The following NDEL1 variants were observed in gnomAD, a reference collection of about 807,000 sequenced individuals.
NDEL1 encodes nudE neurodevelopment protein 1 like 1, also known as nuclear distribution protein nudE-like 1.
NDEL1 carries 9 observed loss-of-function variants against 45.7 expected under a neutral mutation model. The observed-to-expected ratio is 0.20, with a 90% CI of 0.12 to 0.34. NDEL1 has a LOEUF of 0.34. NDEL1 is among the 10% of genes least tolerant of loss of function. The pLI, the probability that NDEL1 is intolerant of heterozygous loss-of-function variation, is 1.00. For synonymous variants in NDEL1, 133 were observed against 158.6 expected (o/e 0.84, Z 1.21); for missense variants, 306 against 406.2 (o/e 0.75, Z 2.12).
At chr17:8,471,911 A>C (rs375934504), downstream of NDEL1, among the ~76,000 whole-genome samples, 3 of 152,170 alleles carry the variant, frequency 2.0e-5, no homozygotes. Flanking sequence ...CGAAAGGTGG[A>C]AAGGGAGAGG....
intron 4 of NDEL1, among the ~76,000 whole-genome samples, chr17:8,447,950 G>A (rs1910189286): frequency 7.1e-6 from 1 of 141,810 alleles, no homozygotes; most frequent in African/African-American, 2.7e-5. Context: ...GCATAGAGGA[G>A]GCAGCAGCCA....
At chr17:8,429,025 G>T (rs1473153798) in intron 1 of NDEL1, among the ~76,000 whole-genome samples, 4 of 152,196 alleles carry the variant, frequency 2.6e-5, no homozygotes, top group Non-Finnish European at 5.9e-5. Context: ...AATTACAAAA[G>T]CAAAGGATAT....
At chr17:8,440,433 G>C (rs1909654117) in intron 1 of NDEL1, among the ~76,000 whole-genome samples, 1 of 151,600 alleles carries the variant, frequency 6.6e-6, no homozygotes, top group African/African-American at 2.4e-5. Flanking sequence ...AGAATTGCTT[G>C]AACCTGGGAG....
intron 1 of NDEL1, among the ~76,000 whole-genome samples, chr17:8,420,729 T>A (rs978500493): frequency 6.6e-6 from 1 of 152,220 alleles, no homozygotes; most frequent in Non-Finnish European, 1.5e-5. Flanking sequence ...ATTTTTCAAA[T>A]ATAAAATACC....
intron 6 of NDEL1, 137 bp from the exon 7 acceptor site, chr17:8,454,659 G>C: frequency 1.5e-6 from 1 of 659,190 alleles, no homozygotes; most frequent in Non-Finnish European, 2.7e-6. Context: ...CCTATTTATG[G>C]TATCTATACT....
At chr17:8,440,513 CAAAAAA>C (rs34423110) in intron 1 of NDEL1, among the ~76,000 whole-genome samples, 1 of 137,876 alleles carries the variant, frequency 7.3e-6, no homozygotes, top group Non-Finnish European at 1.6e-5. Flanking sequence ...GACTCCATCT[CAAAAAA>C]AAAAAAAAAA....
Position 8,467,461 on chromosome 17 carries a change from C to T in NDEL1, c.*438C>T. On this transcript the variant is annotated 3_prime_UTR_variant, in exon 9 of 9. Transcript: ENST00000334527. This position sits in a 1 kb window ranked among gnomAD's most constrained non-coding sequence, Gnocchi z 6.3. ...CCCTCCTGAGCTCCCACCCAGGCATCTCCAGTGCTCATGATCATGTGTCCC... is the reference window on the plus strand; with the variant it reads ...CCCTCCTGAGCTCCCACCCAGGCATTTCCAGTGCTCATGATCATGTGTCCC... 1 of 384,410 alleles carries T rather than the reference C, an allele frequency of 2.6e-6. No individual in the cohort carries two copies. The highest frequency in any genetic ancestry group is 4.6e-6 in the Non-Finnish European group (1 of 217,090). The allele number at this position is 384,410 out of a possible 1,614,324, so 23.8% of individuals were successfully genotyped here. A position where few individuals can be genotyped will look rare whatever the true frequency, so the allele number is the denominator to read the frequency against.
chr17:8,426,432 T>C (rs1412893421), intron 1 of NDEL1, among the ~76,000 whole-genome samples: 2 of 152,224 alleles, frequency 1.3e-5, no homozygotes, highest in African/African-American at 2.4e-5. Flanking sequence ...TATAAAGGTA[T>C]GTGAGCACAT....
intron 1 of NDEL1, among the ~76,000 whole-genome samples, chr17:8,436,889 G>T (rs1909382667): frequency 3.3e-5 from 5 of 152,200 alleles, no homozygotes; most frequent in Admixed American, 2.6e-4. Flanking sequence ...CAACTGGTGA[G>T]TGGTTTAGCT....
chr17:8,425,394 C>A (rs182869308), intron 1 of NDEL1, among the ~76,000 whole-genome samples: 1 of 152,320 alleles, frequency 6.6e-6, no homozygotes, highest in African/African-American at 2.4e-5. Flanking sequence ...CCAGCCTGGG[C>A]AACGTGGTGA....
downstream of NDEL1, among the ~76,000 whole-genome samples, chr17:8,472,488 G>A (rs552753965): frequency 2.6e-5 from 4 of 152,150 alleles, no homozygotes; most frequent in East Asian, 3.9e-4. Context: ...GTGAAACCCC[G>A]TTTCTACAAA....
Position 8,467,330 on chromosome 17 carries a change from C to T in NDEL1, c.*307C>T. The stretch of plus-strand genomic sequence containing the variant: ...ACTGGATGCAGAAGTACCCATTCAT[C>T]ACACCTGCCCCATAGCCCCCACTCT... On this transcript the variant is annotated 3_prime_UTR_variant, in exon 9 of 9. Transcript: ENST00000334527. The surrounding 1 kb of genome is among the most constrained non-coding windows in gnomAD (Gnocchi z 6.3). The T allele has an allele frequency of 3.7e-6, 2 of 546,808 alleles. No homozygotes were observed. Among genetic ancestry groups the T allele is most frequent in the Non-Finnish European group, 6.4e-6 (2 of 310,856 alleles). The allele number at this position is 546,808 out of a possible 1,614,324, so 33.9% of individuals were successfully genotyped here.
chr17:8,471,233 C>G (rs187815392), downstream of NDEL1, among the ~76,000 whole-genome samples: 1 of 152,362 alleles, frequency 6.6e-6, no homozygotes, highest in Non-Finnish European at 1.5e-5. Context: ...TCACTGCAAG[C>G]TCTGCCTCCG....
At chr17:8,420,196 G>T (rs1460686728) in intron 1 of NDEL1, among the ~76,000 whole-genome samples, 1 of 152,140 alleles carries the variant, frequency 6.6e-6, no homozygotes, top group Non-Finnish European at 1.5e-5. Flanking sequence ...CTCTAGGACT[G>T]GGTTTCCTCA....
chr17:8,417,365 G>A (rs1359261836), intron 1 of NDEL1, among the ~76,000 whole-genome samples: 1 of 152,174 alleles, frequency 6.6e-6, no homozygotes, highest in Non-Finnish European at 1.5e-5. Flanking sequence ...ACTGTGCGCA[G>A]CCTCTTTTTT....
intron 1 of NDEL1, among the ~76,000 whole-genome samples, chr17:8,440,828 C>T (rs887717571): frequency 3.3e-5 from 5 of 152,188 alleles, no homozygotes; most frequent in African/African-American, 1.2e-4. Context: ...AAAGCATTAA[C>T]TGCTAGTATG....
chr17:8,461,870 A>G (rs1045890421), intron 8 of NDEL1, among the ~76,000 whole-genome samples: 2 of 152,118 alleles, frequency 1.3e-5, no homozygotes, highest in Non-Finnish European at 2.9e-5. Context: ...TCATGAGAGC[A>G]GGTGTGAATC....
chr17:8,435,697 C>T (rs1909246795), upstream of NDEL1, among the ~76,000 whole-genome samples: 1 of 152,178 alleles, frequency 6.6e-6, no homozygotes, highest in African/African-American at 2.4e-5. Flanking sequence ...GTCGCAGAGT[C>T]CAGGAGCGCC....
intron 8 of NDEL1, among the ~76,000 whole-genome samples, chr17:8,460,949 A>C (rs1202210553): frequency 6.6e-6 from 1 of 152,198 alleles, no homozygotes; most frequent in Non-Finnish European, 1.5e-5. Flanking sequence ...ATTTTTAAAT[A>C]CTACATGGTA....
Sources: gnomAD v4.1 joint callset for allele counts (sites outside exome capture counted in the v4.1 genomes callset) on GRCh38, gnomAD v4.1.1 for gene constraint, Gnocchi (gnomAD v3.1) non-coding constraint, MANE v1.5 for transcripts, NCBI Gene and HGNC (gene_info 2026-07-23, HGNC 2026-07-21) for gene names.